SCNN1B: variants seen among roughly 807,000 people sequenced by gnomAD.
SCNN1B encodes epithelial sodium channel subunit beta.
Under a neutral mutation model 65.3 loss-of-function variants are expected in SCNN1B, and 46 were observed. The observed-to-expected ratio is 0.70, with a 90% confidence interval of 0.56 to 0.90. SCNN1B has a LOEUF of 0.90. SCNN1B is among the 40% of genes least tolerant of loss of function. The pLI is 0.00. For missense variants in SCNN1B, 751 were observed against 830.5 expected (o/e 0.90, Z 1.18); for synonymous variants, 349 against 330.6 (o/e 1.06, Z -0.60).
chr16:23,364,677 A>C (rs1962613288), intron 4 of SCNN1B, among the ~76,000 whole-genome samples: 1 of 152,118 alleles, frequency 6.6e-6, no homozygotes, highest in Non-Finnish European at 1.5e-5. Flanking sequence ...TCTGAGGTGG[A>C]GACAGGTGGA....
chr16:23,358,679 G>A (rs1962469059), intron 4 of SCNN1B: 1 of 152,230 alleles, frequency 6.6e-6, no homozygotes, highest in Non-Finnish European at 1.5e-5. Context: ...GGCCGAAGCT[G>A]GCAGATCGCT....
chr16:23,300,612 G>C (rs1961061141), upstream of SCNN1B, among the ~76,000 whole-genome samples: 1 of 152,038 alleles, frequency 6.6e-6, no homozygotes, highest in Non-Finnish European at 1.5e-5. Flanking sequence ...GAAGTGGGAA[G>C]ATTGCTTGAG....
At position 23,339,947 on chromosome 16, in the gene SCNN1B, C is replaced by T. The variant is rs147769897; in HGVS notation, c.-8-8645C>T. ...TCCAACCAGCTGTGTAGGAGAATTC[C>T]GGTTGCTACACATCCTCACCAATAC... On this transcript the variant is annotated intron_variant, in intron 1 of 12. Transcript: ENST00000343070. 2.8e-3 allele frequency among the ~76,000 whole-genome samples: 428 copies of T among 152,128 alleles called. 2 individuals carry two copies. Among genetic ancestry groups the T allele is most frequent in the Non-Finnish European group, 4.4e-3 (300 of 68,010 alleles).
intron 1 of SCNN1B, among the ~76,000 whole-genome samples, chr16:23,307,629 C>T (rs1254980486): frequency 6.6e-6 from 1 of 152,100 alleles, no homozygotes; most frequent in South Asian, 2.1e-4. Context: ...TGCCTGTGCT[C>T]CTTTATGCCC....
rs1178985025 is a variant in SCNN1B, at chr16:23,352,792, C to T, written c.312-9C>T. ...TTCCTTCCCCCTAACCAGCCCTCTCCCCATCCAGGTATTCCAAAATCAAGC... is the reference window on the plus strand; with the variant it reads ...TTCCTTCCCCCTAACCAGCCCTCTCTCCATCCAGGTATTCCAAAATCAAGC... On this transcript the variant is annotated splice_polypyrimidine_tract_variant and intron_variant, in intron 2 of 12. Coordinates refer to ENST00000343070, the MANE Select transcript of SCNN1B (RefSeq NM_000336.3). 1 of 1,613,982 alleles carries T rather than the reference C, an allele frequency of 6.2e-7. No homozygotes were observed. Among genetic ancestry groups the T allele is most frequent in the Non-Finnish European group, 8.5e-7 (1 of 1,180,016 alleles).
At chr16:23,360,146 T>C (rs1876188893) in intron 4 of SCNN1B, among the ~76,000 whole-genome samples, 1 of 151,704 alleles carries the variant, frequency 6.6e-6, no homozygotes, top group Non-Finnish European at 1.5e-5. Context: ...TGCAGTGAGC[T>C]GAGATCATGC....
At chr16:23,362,382 C>T (rs373374292) in intron 4 of SCNN1B, among the ~76,000 whole-genome samples, 1 of 151,900 alleles carries the variant, frequency 6.6e-6, no homozygotes, top group Non-Finnish European at 1.5e-5. Context: ...AAACCAAGAT[C>T]TGGGCATATA....
intron 1 of SCNN1B, among the ~76,000 whole-genome samples, chr16:23,342,826 G>C (rs1962081355): frequency 6.6e-6 from 1 of 152,190 alleles, no homozygotes; most frequent in African/African-American, 2.4e-5. Flanking sequence ...ACAGAGAATA[G>C]ATAAGTGGTT....
At chr16:23,353,328 T>C (rs1962351488) in intron 3 of SCNN1B, 1 of 550,986 alleles carries the variant, frequency 1.8e-6, no homozygotes, top group African/African-American at 1.9e-5. Flanking sequence ...GACTAAGAAA[T>C]CCAGAGGTAT....
At chr16:23,345,566 A>G (rs995937601) in intron 1 of SCNN1B, among the ~76,000 whole-genome samples, 1 of 152,154 alleles carries the variant, frequency 6.6e-6, no homozygotes, top group Non-Finnish European at 1.5e-5. Context: ...GCTGCCAAAT[A>G]CCACCAGCTT....
intron 2 of SCNN1B, among the ~76,000 whole-genome samples, chr16:23,291,539 CT>C (rs751280604): frequency 1.5e-4 from 22 of 146,598 alleles, no homozygotes; most frequent in Admixed American, 6.8e-5. Context: ...AGTTTGTATC[CT>C]TCTAAAACAT....
At chr16:23,334,627 T>C (rs183929833) in intron 1 of SCNN1B, among the ~76,000 whole-genome samples, 184 of 152,332 alleles carry the variant, frequency 1.2e-3, no homozygotes, top group Non-Finnish European at 2.2e-3. Flanking sequence ...TCAGCTCTTG[T>C]GGTAAAGCTG....
intron 1 of SCNN1B, among the ~76,000 whole-genome samples, chr16:23,278,894 C>T (rs910646006): frequency 1.3e-5 from 2 of 151,690 alleles, no homozygotes; most frequent in East Asian, 1.9e-4. Flanking sequence ...GAGCTATGAT[C>T]GTACCACTGC....
intron 1 of SCNN1B, among the ~76,000 whole-genome samples, chr16:23,334,912 C>T (rs987938713): frequency 6.6e-6 from 1 of 152,216 alleles, no homozygotes; most frequent in African/African-American, 2.4e-5. Flanking sequence ...CCCCAGAGCT[C>T]GGCCCATACT....
chr16:23,319,998 C>T (rs11074556), intron 1 of SCNN1B, among the ~76,000 whole-genome samples: 18,895 of 152,152 alleles, frequency 0.12, 1,528 homozygotes, highest in African/African-American at 0.22. Flanking sequence ...CCTCTCACCT[C>T]GGCCTCCCAA....
intron 5 of SCNN1B, among the ~76,000 whole-genome samples, chr16:23,370,337 C>T (rs1445269322): frequency 8.5e-5 from 13 of 152,126 alleles, no homozygotes; most frequent in Non-Finnish European, 1.5e-5. Context: ...AACTCCTGAC[C>T]TCAAGTGATC....
chr16:23,361,877 G>A (rs750910017), intron 4 of SCNN1B, among the ~76,000 whole-genome samples: 1 of 151,904 alleles, frequency 6.6e-6, no homozygotes, highest in Non-Finnish European at 1.5e-5. Context: ...TCGCGTGCCC[G>A]ATTAATTTTT....
chr16:23,293,142 A>AAAAAAAAAAAAAAT (rs1960950950), intron 2 of SCNN1B, among the ~76,000 whole-genome samples: 1 of 147,756 alleles, frequency 6.8e-6, no homozygotes, highest in Non-Finnish European at 1.5e-5. Context: ...AAAAAAAAAA[A>AAAAAAAAAAAAAAT]GTGAGACTTA....
intron 10 of SCNN1B, 38 bp downstream of exon 10, chr16:23,377,424 T>G: frequency 6.2e-7 from 1 of 1,605,446 alleles, no homozygotes; most frequent in Non-Finnish European, 8.5e-7. Context: ...GCTCCCACCT[T>G]TGGCTGGGGA....
Sources: gnomAD v4.1 joint callset for allele counts (sites outside exome capture counted in the v4.1 genomes callset) on GRCh38, gnomAD v4.1.1 for gene constraint, MANE v1.5 for transcripts, NCBI Gene and HGNC (gene_info 2026-07-23, HGNC 2026-07-21) for gene names.